VWF: variants seen among roughly 807,000 people sequenced by gnomAD.
VWF encodes Factor VIII related antigen.
A neutral mutation model predicts 308.6 loss-of-function variants in VWF; 176 were observed. The ratio of observed to expected loss-of-function variants is 0.57; its 90% CI spans 0.50 to 0.65. The LOEUF is 0.65. Among genes scored for constraint, VWF ranks in the 30% least tolerant of loss-of-function variants. The pLI is 0.00. For missense variants in VWF, 3,146 were observed against 3,648.2 expected (o/e 0.86, Z 3.55); for synonymous variants, 1,385 against 1,443.4 (o/e 0.96, Z 0.92).
intron 16 of VWF, among the ~76,000 whole-genome samples, chr12:6,047,840 A>G (rs1010986751): frequency 3.3e-5 from 5 of 152,224 alleles, no homozygotes. Flanking sequence ...AGTGATTGAC[A>G]TAGGTTGTCA....
intron 6 of VWF, among the ~76,000 whole-genome samples, chr12:6,085,729 C>A (rs995109465): frequency 1.0e-3 from 1 of 976 alleles, no homozygotes; most frequent in East Asian, 0.015. Context: ...AGGGGGGGCG[C>A]GGGGGGCGGG....
intron 47 of VWF, among the ~76,000 whole-genome samples, chr12:5,959,712 A>G (rs1038786478): frequency 2.0e-5 from 3 of 152,138 alleles, no homozygotes; most frequent in Non-Finnish European, 4.4e-5. Flanking sequence ...TAAAGTATTG[A>G]AAAACACACC....
intron 10 of VWF, among the ~76,000 whole-genome samples, chr12:6,070,821 T>G (rs982950569): frequency 2.0e-5 from 3 of 152,178 alleles, no homozygotes; most frequent in African/African-American, 7.2e-5. Context: ...ATGGGAGGAA[T>G]CATTTGGTGA....
At chr12:6,037,623 A>T (rs1196451414) in intron 18 of VWF, among the ~76,000 whole-genome samples, 1 of 152,220 alleles carries the variant, frequency 6.6e-6, no homozygotes, top group Non-Finnish European at 1.5e-5. Flanking sequence ...TCCAAGGGGC[A>T]GCCCTGGGTG....
intron 16 of VWF, among the ~76,000 whole-genome samples, chr12:6,049,422 G>A (rs1040450189): frequency 6.6e-6 from 1 of 152,110 alleles, no homozygotes; most frequent in Non-Finnish European, 1.5e-5. Flanking sequence ...GGGCCAAGGC[G>A]CACCTTCTCC....
Position 6,018,356 on chromosome 12 carries a change from C to A in VWF, c.5053+9G>T. On this transcript the variant is annotated intron_variant, in intron 28 of 51. Coordinates refer to ENST00000261405, the MANE Select transcript of VWF (RefSeq NM_000552.5). Reference sequence around the variant, plus strand: ...AGCCCTCCCACCTGCACACAAGGTGCCAGCATACCAGGTGCAGGGGAGAGG... The same window carrying A: ...AGCCCTCCCACCTGCACACAAGGTGACAGCATACCAGGTGCAGGGGAGAGG... 6.2e-7 allele frequency: 1 copy of A among 1,607,184 alleles called. No homozygotes were observed. Among genetic ancestry groups the A allele is most frequent in the Non-Finnish European group, 8.5e-7 (1 of 1,178,276 alleles).
At chr12:5,972,729 G>A (rs1943491133) in intron 43 of VWF, among the ~76,000 whole-genome samples, 1 of 152,162 alleles carries the variant, frequency 6.6e-6, no homozygotes, top group Non-Finnish European at 1.5e-5. Flanking sequence ...TATCAGCCAA[G>A]ATTCTAGTCA....
chr12:6,018,305 C>T, intron 28 of VWF, 60 bp downstream of exon 28: 1 of 1,561,904 alleles, frequency 6.4e-7, no homozygotes, highest in Non-Finnish European at 8.6e-7. Context: ...ATGCATGTAG[C>T]ACCAAGGCCA....
At chr12:5,993,761 T>G in intron 37 of VWF, 101 bp downstream of exon 37, 1 of 1,106,470 alleles carries the variant, frequency 9.0e-7, no homozygotes, top group East Asian at 2.5e-5. Flanking sequence ...ATACAGGGAT[T>G]TTCATCCTTA....
chr12:6,013,544 G>A lies in VWF; in HGVS notation c.5557C>T (p.Arg1853Ter), dbSNP rs61750612. The A allele has an allele frequency of 1.4e-5, 23 of 1,613,972 alleles. No homozygotes were observed. Among genetic ancestry groups the A allele is most frequent in the African/African-American group, 2.7e-5 (2 of 74,900 alleles). The change falls in exon 32 of 52, where the codon CGA (arginine) becomes TGA (stop). Residue 1853 changes from arginine (R) to a stop codon, truncating the protein, a stop_gained. Coordinates refer to ENST00000261405, the MANE Select transcript of VWF (RefSeq NM_000552.5). LOFTEE classifies it high-confidence loss of function. ...ACCATGGTAGGGAGGTCTTCGATTC[G>A]CTGGAGCTTCACCACGTTGGAGTCG... ...AGDSNVVKLQRIEDLPTMVTL... is the reference protein window; with the variant it reads ...AGDSNVVKLQ
chr12:5,983,980 A>C (rs1005762071), intron 40 of VWF, among the ~76,000 whole-genome samples: 1 of 99,238 alleles, frequency 1.0e-5, no homozygotes, highest in African/African-American at 4.1e-5. Context: ...AGATGGATAG[A>C]TAGATAGATA....
chr12:6,088,403 C>T (rs1377020979), intron 6 of VWF, among the ~76,000 whole-genome samples: 4 of 150,574 alleles, frequency 2.7e-5, no homozygotes, highest in East Asian at 4.0e-4. Context: ...GGCGTGAACC[C>T]GGGAGGCGGA....
chr12:6,083,099 T>A (rs189340174), intron 6 of VWF, among the ~76,000 whole-genome samples: 2 of 152,284 alleles, frequency 1.3e-5, no homozygotes. Flanking sequence ...AACCTCTGCC[T>A]CTCGCAACCC....
Position 6,073,610 on chromosome 12 carries a change from G to A in VWF, c.997+9C>T. ...CTCTGATCTGTAAATAAAGTGGGAA[G>A]TTCATTACCAGGGCAGCTGCAGCCA... On this transcript the variant is annotated intron_variant, in intron 8 of 51. Coordinates refer to ENST00000261405, the MANE Select transcript of VWF (RefSeq NM_000552.5). 6.2e-7 allele frequency: 1 copy of A among 1,613,948 alleles called. No individual in the cohort carries two copies. Among genetic ancestry groups the A allele is most frequent in the Non-Finnish European group, 8.5e-7 (1 of 1,180,020 alleles).
chr12:6,064,203 G>A (rs755553938), intron 12 of VWF, 43 bp downstream of exon 12: 70 of 1,613,704 alleles, frequency 4.3e-5, no homozygotes, highest in Non-Finnish European at 5.3e-5. Context: ...CTAAGGGATG[G>A]GCTGTGCCAG....
At chr12:5,959,044 C>T (rs890257607) in intron 47 of VWF, among the ~76,000 whole-genome samples, 5 of 151,908 alleles carry the variant, frequency 3.3e-5, no homozygotes, top group African/African-American at 1.2e-4. Context: ...AGCAAAACTC[C>T]ATCTCCACAA....
intron 34 of VWF, among the ~76,000 whole-genome samples, chr12:6,003,079 T>C (rs770784629): frequency 8.5e-5 from 13 of 152,052 alleles, no homozygotes; most frequent in Non-Finnish European, 1.3e-4. Flanking sequence ...TTAAAAATTA[T>C]CAAAGAGCTA....
At position 6,025,841 on chromosome 12, in the gene VWF, G is replaced by GGGGACAGA; in HGVS notation, c.3108+57_3108+64dup. The GGGGACAGA allele has an allele frequency of 1.9e-6, 3 of 1,612,242 alleles. No individual in the cohort carries two copies. In the South Asian group the frequency reaches 3.3e-5, roughly 18 times the overall value. On this transcript the variant is annotated intron_variant, in intron 23 of 51. Coordinates refer to ENST00000261405, the MANE Select transcript of VWF (RefSeq NM_000552.5). ...CCCCCCTTCCAGCCCCCATGACAAT[G>GGGGACAGA]GGGACAGAGGGACATTCCAGGAAGC...
At chr12:5,994,377 T>C (rs1161713777) in intron 36 of VWF, 38 bp downstream of exon 36, 3 of 1,610,930 alleles carry the variant, frequency 1.9e-6, no homozygotes, top group East Asian at 2.2e-5. Flanking sequence ...TATAAATGTA[T>C]AGCAGGGGGA....
Sources: gnomAD v4.1 joint callset for allele counts (sites outside exome capture counted in the v4.1 genomes callset) on GRCh38, gnomAD v4.1.1 for gene constraint, MANE v1.5 for transcripts, NCBI Gene and HGNC (gene_info 2026-07-23, HGNC 2026-07-21) for gene names.